The following DZANK1 variants were observed in gnomAD, a reference collection of about 807,000 sequenced individuals.
DZANK1 encodes double zinc ribbon and ankyrin repeat domains 1, also known as double zinc ribbon and ankyrin repeat-containing protein 1.
DZANK1 carries 91 observed loss-of-function variants against 94.5 expected under a neutral mutation model. The ratio of observed to expected loss-of-function variants is 0.96; its 90% CI spans 0.81 to 1.15. The LOEUF (loss-of-function observed/expected upper bound fraction) is 1.15, where lower values mean the gene tolerates loss of function less well. DZANK1 is among the 50% of genes most tolerant of loss of function. DZANK1 has a pLI of 0.00. For missense variants in DZANK1, 903 were observed against 916.4 expected (o/e 0.99, Z 0.19); for synonymous variants, 312 against 325.3 (o/e 0.96, Z 0.44).
chr20:18,390,028 C>T (rs2055871232), intron 18 of DZANK1, among the ~76,000 whole-genome samples, 200 bp from the exon 19 acceptor site: 1 of 152,120 alleles, frequency 6.6e-6, no homozygotes, highest in Admixed American at 6.6e-5. Context: ...GGTGACAAAA[C>T]TTCTGTTCCC....
chr20:18,448,050 T>G (rs2058948780), intron 7 of DZANK1, among the ~76,000 whole-genome samples: 1 of 152,250 alleles, frequency 6.6e-6, no homozygotes, highest in Non-Finnish European at 1.5e-5. Context: ...GATATGAGAC[T>G]GGATCACTTT....
At position 18,423,148 on chromosome 20, in the gene DZANK1, T is replaced by C. The variant is rs79714826; in HGVS notation, c.954+3919A>G. Among the ~76,000 whole-genome samples, 1,207 of 152,254 alleles carry C rather than the reference T, an allele frequency of 7.9e-3. 15 individuals carry two copies. Among genetic ancestry groups the C allele is most frequent in the African/African-American group, 0.027 (1,125 of 41,542 alleles). ...CAAGTGCCTAGAACACTGAGTAAAG[T>C]TTGCAACCTAGGAGCAATAGGCTAT... is the stretch of plus-strand genomic sequence containing the variant. On this transcript the variant is annotated intron_variant, in intron 10 of 20. Transcript: ENST00000262547.
chr20:18,398,678 A>G (rs952954042), intron 13 of DZANK1, 52 bp from the exon 14 acceptor site: 2 of 1,515,526 alleles, frequency 1.3e-6, no homozygotes, highest in Non-Finnish European at 1.8e-6. Flanking sequence ...GAGACTAAGA[A>G]AGAAAAATGA....
chr20:18,389,832 C>G lies in DZANK1; in HGVS notation c.1891-4G>C, dbSNP rs527779416. The G allele has an allele frequency of 5.2e-5, 84 of 1,613,720 alleles. No individual in the cohort carries two copies. Among genetic ancestry groups the G allele is most frequent in the Admixed American group, 2.3e-4 (14 of 59,990 alleles). On this transcript the variant is annotated splice_polypyrimidine_tract_variant and splice_region_variant and intron_variant, in intron 18 of 20. Transcript: ENST00000262547. ...CACAGCAGTTGGGGTCTGCTCCCTG[C>G]AGCAAACGGAAAAGGACAAACTCTC... is the stretch of plus-strand genomic sequence containing the variant.
At chr20:18,416,824 A>C (rs192670528) in intron 10 of DZANK1, among the ~76,000 whole-genome samples, 11 of 152,248 alleles carry the variant, frequency 7.2e-5, no homozygotes, top group African/African-American at 2.4e-4. Flanking sequence ...TTCTCTGCAA[A>C]CTTTTGCTTC....
chr20:18,452,189 T>C (rs1185604016), intron 6 of DZANK1, among the ~76,000 whole-genome samples: 1 of 151,978 alleles, frequency 6.6e-6, no homozygotes, highest in Admixed American at 6.6e-5. Flanking sequence ...CGTGCAGCCA[T>C]GATTGAGAAC....
intron 10 of DZANK1, among the ~76,000 whole-genome samples, chr20:18,418,373 T>G (rs2057603397): frequency 6.6e-6 from 1 of 152,192 alleles, no homozygotes; most frequent in Non-Finnish European, 1.5e-5. Context: ...ATCTTCTCTG[T>G]GTATTCAGAT....
rs74875927 is a variant in DZANK1, at chr20:18,465,378, C to G, written c.-19-1G>C. The G allele has an allele frequency of 1.2e-5, 14 of 1,207,032 alleles. No homozygotes were observed. Among genetic ancestry groups the G allele is most frequent in the Non-Finnish European group, 1.6e-5 (14 of 869,182 alleles). The allele number at this position is 1,207,032 out of a possible 1,614,324, so 74.8% of individuals were successfully genotyped here. A position where few individuals can be genotyped will look rare whatever the true frequency, so the allele number is the denominator to read the frequency against. On this transcript the variant is annotated splice_acceptor_variant, in intron 1 of 20. Coordinates refer to ENST00000262547, the Ensembl canonical transcript of DZANK1. LOFTEE classifies it low-confidence loss of function (5UTR_SPLICE). ...AGTCATTTTCTCTCTCTCTCTCTCT[C>G]TCTATATATATATACATATAAATTC...
rs138349288 is a variant in DZANK1 at position 18,439,490 on chromosome 20, G to A, written c.747+3857C>T. ...CAGGCGATACACTAGAAGGCTGCCCGTCTATCATTCCTAGGAATGCCATGT... is the reference window on the plus strand; with the variant it reads ...CAGGCGATACACTAGAAGGCTGCCCATCTATCATTCCTAGGAATGCCATGT... On this transcript the variant is annotated intron_variant, in intron 8 of 20. Transcript: ENST00000262547. 2.4e-3 allele frequency among the ~76,000 whole-genome samples: 361 copies of A among 152,236 alleles called. 4 individuals are homozygous for A. The highest frequency in any genetic ancestry group is 0.02 in the Admixed American group (301 of 15,286).
intron 10 of DZANK1, chr20:18,420,332 C>T: frequency 5.7e-6 from 1 of 174,360 alleles, no homozygotes; most frequent in South Asian, 1.5e-4. Context: ...GGAGACCCCA[C>T]TGCAGGGTGG....
chr20:18,410,191 A>G lies in DZANK1; in HGVS notation c.1432+2455T>C, dbSNP rs1312412745. The stretch of plus-strand genomic sequence containing the variant: ...AATAGTTCTTTTTTTAAAAGACATC[A>G]TGTTATAACTAATAATTGTAACAGT... On this transcript the variant is annotated intron_variant, in intron 13 of 20. Coordinates refer to ENST00000262547, the Ensembl canonical transcript of DZANK1. 2.0e-5 allele frequency among the ~76,000 whole-genome samples: 3 copies of G among 152,184 alleles called. No individual in the cohort carries two copies. In the East Asian group the frequency reaches 5.8e-4, roughly 29 times the overall value.
intron 1 of DZANK1, among the ~76,000 whole-genome samples, chr20:18,466,322 T>C (rs1453868826): frequency 6.6e-6 from 1 of 152,248 alleles, no homozygotes; most frequent in East Asian, 1.9e-4. Context: ...AGGCTATTTC[T>C]AGTTTCTTTT....
chr20:18,403,796 C>CTTTTT (rs35824877), intron 13 of DZANK1, among the ~76,000 whole-genome samples: 437 of 111,652 alleles, frequency 3.9e-3, no homozygotes, highest in Middle Eastern at 5.6e-3. Flanking sequence ...AACTTTCTTT[C>CTTTTT]TTTTTTTTTT....
chr20:18,460,303 G>GC lies in DZANK1; in HGVS notation c.112_113insG (p.Thr38SerfsTer16). 2.6e-6 allele frequency: 4 copies of GC among 1,522,228 alleles called. No individual in the cohort carries two copies. The highest frequency in any genetic ancestry group is 2.3e-5 in the East Asian group (1 of 43,106). The allele number at this position is 1,522,228 out of a possible 1,614,324, so 94.3% of individuals were successfully genotyped here. Reference sequence around the variant, plus strand: ...AGTATAATATATGTTGACATCTGGAGTGTCTGAAAAATCCAAAACAGGATA... The same window carrying GC: ...AGTATAATATATGTTGACATCTGGAGCTGTCTGAAAAATCCAAAACAGGATA... On this transcript the variant is annotated frameshift_variant, in exon 3 of 21. Coordinates refer to ENST00000262547, the Ensembl canonical transcript of DZANK1. LOFTEE classifies it high-confidence loss of function.
rs771288199 is a variant in DZANK1 at position 18,409,981 on chromosome 20, C to T, written c.1432+2665G>A. On this transcript the variant is annotated intron_variant, in intron 13 of 20. Coordinates refer to ENST00000262547, the Ensembl canonical transcript of DZANK1. ...CCAGGAGGCGGAGGTTGCAGTGAGT[C>T]GGGATCACGCCACCGCACTCCAGCC... 8.8e-5 allele frequency among the ~76,000 whole-genome samples: 12 copies of T among 136,510 alleles called. No individual in the cohort carries two copies. In the Admixed American group the frequency reaches 9.1e-4, roughly 10 times the overall value. 89.6% of individuals were successfully genotyped at this position (136,510 alleles called of 152,430 possible).
At position 18,441,343 on chromosome 20, in the gene DZANK1, C is replaced by T. The variant is rs770011961; in HGVS notation, c.747+2004G>A. ...AAACCACTTCCAAAATCCCATTTCC[C>T]AGTTTATTTCCTGGGACCAATCCCA... On this transcript the variant is annotated intron_variant, in intron 8 of 20. Coordinates refer to ENST00000262547, the Ensembl canonical transcript of DZANK1. The surrounding 1 kb of genome is among the most constrained non-coding windows in gnomAD (Gnocchi z 4.1). Among the ~76,000 whole-genome samples, 4 of 152,156 alleles carry T rather than the reference C, an allele frequency of 2.6e-5. No individual in the cohort carries two copies. The highest frequency in any genetic ancestry group is 1.9e-4 in the East Asian group (1 of 5,198).
At position 18,460,235 on chromosome 20, in the gene DZANK1, C is replaced by T. The variant is rs1210904623; in HGVS notation, c.181G>A (p.Gly61Arg). The change falls in exon 3 of 21, where the codon GGG becomes AGG. Residue 61 changes from glycine to arginine, a missense_variant. Coordinates refer to ENST00000262547, the Ensembl canonical transcript of DZANK1. ...ATATACTTAAATGTGTTATTTTCCCCATAACCAATTCTCTTTAGAAATTCA... is the reference window on the plus strand; with the variant it reads ...ATATACTTAAATGTGTTATTTTCCCTATAACCAATTCTCTTTAGAAATTCA... 4 of 1,594,706 alleles carry T rather than the reference C, an allele frequency of 2.5e-6. No individual in the cohort carries two copies. The East Asian group carries it at 9.0e-5, about 36-fold the overall frequency.
intron 9 of DZANK1, among the ~76,000 whole-genome samples, chr20:18,429,460 A>G (rs1192280448): frequency 6.6e-6 from 1 of 152,176 alleles, no homozygotes; most frequent in African/African-American, 2.4e-5. Context: ...TAAGGTTCAC[A>G]GCAAAATTGA....
intron 10 of DZANK1, among the ~76,000 whole-genome samples, chr20:18,419,905 A>C (rs781120467): frequency 2.0e-5 from 3 of 151,328 alleles, no homozygotes; most frequent in Non-Finnish European, 4.4e-5. Flanking sequence ...AAAAAAACAA[A>C]CAGCTTTATC....
Sources: gnomAD v4.1 joint callset for allele counts (sites outside exome capture counted in the v4.1 genomes callset) on GRCh38, gnomAD v4.1.1 for gene constraint, Gnocchi (gnomAD v3.1) non-coding constraint, MANE v1.5 for transcripts, NCBI Gene and HGNC (gene_info 2026-07-23, HGNC 2026-07-21) for gene names.